Variants in AKAP10 observed in about 807,000 individuals in gnomAD.
The protein encoded by AKAP10 is A-kinase anchor protein 10, mitochondrial.
AKAP10 carries 24 observed loss-of-function variants against 80.8 expected under a neutral mutation model. The observed-to-expected ratio is 0.30, with a 90% confidence interval of 0.22 to 0.42. The LOEUF is 0.42. AKAP10 is among the 10% of genes least tolerant of loss of function. The pLI, the probability that AKAP10 is intolerant of heterozygous loss-of-function variation, is 1.00. For missense variants in AKAP10, 661 were observed against 794.9 expected, an observed-to-expected ratio of 0.83 and a Z score of 2.03; for synonymous variants, 291 against 277.7, an observed-to-expected ratio of 1.05 and a Z score of -0.48.
At chr17:19,910,798 G>A (rs1165420104) in intron 12 of AKAP10, among the ~76,000 whole-genome samples, 2 of 152,150 alleles carry the variant, frequency 1.3e-5, no homozygotes, top group Non-Finnish European at 2.9e-5. Context: ...TAAACTAGCT[G>A]GGTGAGAGAA....
chr17:19,942,087 T>C (rs912355227), intron 5 of AKAP10, among the ~76,000 whole-genome samples, 177 bp from the exon 6 acceptor site: 7 of 152,208 alleles, frequency 4.6e-5, no homozygotes, highest in Admixed American at 1.3e-4. Flanking sequence ...GAAGTACATA[T>C]GCAAAAGCAG....
chr17:19,911,507 T>C (rs1374247705), intron 12 of AKAP10, among the ~76,000 whole-genome samples: 1 of 152,050 alleles, frequency 6.6e-6, no homozygotes, highest in Admixed American at 6.6e-5. Context: ...TCATTCTCAT[T>C]CTACTGACAG....
intron 10 of AKAP10, 108 bp downstream of exon 10, chr17:19,931,696 CT>C: frequency 1.7e-5 from 22 of 1,333,140 alleles, no homozygotes; most frequent in Admixed American, 2.8e-5. Context: ...TGGCTTTTAT[CT>C]TTTTTTTCCA....
chr17:19,907,695 G>A (rs543267842), intron 14 of AKAP10, among the ~76,000 whole-genome samples: 7 of 152,004 alleles, frequency 4.6e-5, no homozygotes, highest in African/African-American at 1.7e-4. Flanking sequence ...ATGAGCCACT[G>A]CACCTGGCCA....
At chr17:19,956,873 G>A (rs935053554) in intron 4 of AKAP10, among the ~76,000 whole-genome samples, 3 of 151,836 alleles carry the variant, frequency 2.0e-5, no homozygotes, top group Non-Finnish European at 4.4e-5. Flanking sequence ...GAGTGGTGGC[G>A]GGCGCCTGTA....
At chr17:19,941,119 C>A in intron 6 of AKAP10, 109 bp from the exon 7 acceptor site, 1 of 1,150,152 alleles carries the variant, frequency 8.7e-7, no homozygotes, top group South Asian at 1.8e-5. Context: ...AGGCCTAGGT[C>A]AACACTACCT....
chr17:19,909,344 T>C, intron 13 of AKAP10, 68 bp from the exon 14 acceptor site: 1 of 1,356,150 alleles, frequency 7.4e-7, no homozygotes, highest in Non-Finnish European at 1.0e-6. Flanking sequence ...ACATACTCAG[T>C]GCTCTTAACA....
At chr17:19,934,584 T>C (rs983777284) in intron 9 of AKAP10, among the ~76,000 whole-genome samples, 1 of 152,238 alleles carries the variant, frequency 6.6e-6, no homozygotes, top group Admixed American at 6.5e-5. Context: ...TTAACATTTT[T>C]TGATGCTTAC....
intron 12 of AKAP10, among the ~76,000 whole-genome samples, chr17:19,910,332 A>AAAAAAAAAC (rs2042676491): frequency 6.6e-6 from 1 of 151,600 alleles, no homozygotes. Flanking sequence ...ACTCAAAAAA[A>AAAAAAAAAC]AAAAAAAAAA....
intron 1 of AKAP10, among the ~76,000 whole-genome samples, chr17:19,972,586 G>A (rs894475467): frequency 6.6e-6 from 1 of 152,050 alleles, no homozygotes; most frequent in Non-Finnish European, 1.5e-5. Context: ...CTCCCAAGTA[G>A]CTGGGACTAC....
chr17:19,969,616 G>T (rs1189497404), intron 1 of AKAP10, among the ~76,000 whole-genome samples: 2 of 151,492 alleles, frequency 1.3e-5, no homozygotes, highest in East Asian at 1.9e-4. Flanking sequence ...GCCCATCTCT[G>T]TATTTGTGCT....
chr17:19,972,478 C>T lies in AKAP10; in HGVS notation c.89-4017G>A, dbSNP rs148282292. On this transcript the variant is annotated intron_variant, in intron 1 of 14. Transcript: ENST00000225737. ...TTTGTTTTGTTTTGTTTTTTTGAGA[C>T]GGAATCTCACTCTGTCGCCCAGGCT... 3.6e-4 allele frequency among the ~76,000 whole-genome samples: 55 copies of T among 152,118 alleles called. No homozygotes were observed. The East Asian group carries it at 6.0e-3, about 17-fold the overall frequency.
rs200014515 is a variant in AKAP10 at position 19,925,162 on chromosome 17, TC to T, written c.1642-646del. ...CTGGGCGACAGAGGAAGACTCTGTA[TC>T]AAAAACTAAAAAATAAAATAAAATA... On this transcript the variant is annotated intron_variant, in intron 10 of 14. Coordinates refer to ENST00000225737, the MANE Select transcript of AKAP10 (RefSeq NM_007202.4). Among the ~76,000 whole-genome samples, 241 of 152,136 alleles carry T rather than the reference TC, an allele frequency of 1.6e-3. 7 individuals carry two copies. The East Asian group carries it at 0.036, about 23-fold the overall frequency.
At position 19,954,646 on chromosome 17, in the gene AKAP10, G is replaced by A. The variant is rs867248003; in HGVS notation, c.877+3368C>T. Reference sequence around the variant, plus strand: ...ACTACAGGTGCCCGCCACCACGCCCGGCTAATTTTTTTTTTTTTTTGTATT... The same window carrying A: ...ACTACAGGTGCCCGCCACCACGCCCAGCTAATTTTTTTTTTTTTTTGTATT... On this transcript the variant is annotated intron_variant, in intron 4 of 14. Transcript: ENST00000225737. 5.1e-4 allele frequency among the ~76,000 whole-genome samples: 72 copies of A among 140,384 alleles called. 1 individual carries two copies. Among genetic ancestry groups the A allele is most frequent in the African/African-American group, 1.7e-3 (60 of 35,424 alleles). 92.1% of individuals were successfully genotyped at this position (140,384 alleles called of 152,430 possible).
intron 3 of AKAP10, among the ~76,000 whole-genome samples, chr17:19,959,983 A>C (rs1024559773): frequency 6.6e-6 from 1 of 152,200 alleles, no homozygotes; most frequent in African/African-American, 2.4e-5. Context: ...ATGGTCGCTC[A>C]CGCCTGTAAT....
intron 1 of AKAP10, among the ~76,000 whole-genome samples, chr17:19,973,510 T>C (rs575675724): frequency 1.3e-5 from 2 of 152,348 alleles, no homozygotes; most frequent in East Asian, 3.9e-4. Context: ...TCAGTCTATC[T>C]TTTCCCAACT....
intron 11 of AKAP10, among the ~76,000 whole-genome samples, chr17:19,923,240 GCTAA>G (rs936957083): frequency 5.3e-5 from 8 of 152,036 alleles, no homozygotes; most frequent in Admixed American, 5.2e-4. Context: ...ACCACGCCCG[GCTAA>G]CTTTTTGTAT....
chr17:19,946,235 TATTATATATATATATATA>T (rs2043112633), intron 5 of AKAP10, among the ~76,000 whole-genome samples: 1 of 17,640 alleles, frequency 5.7e-5, no homozygotes, highest in Admixed American at 1.0e-3. Flanking sequence ...TATATATATA[TATTATATATATATATATA>T]TATATATATA....
At chr17:19,946,799 G>A (rs549229200) in intron 5 of AKAP10, among the ~76,000 whole-genome samples, 48 of 151,926 alleles carry the variant, frequency 3.2e-4, no homozygotes, top group African/African-American at 1.1e-3. Flanking sequence ...GACACTGTGT[G>A]TGGCACAATC....
Sources: gnomAD v4.1 joint callset for allele counts (sites outside exome capture counted in the v4.1 genomes callset) on GRCh38, gnomAD v4.1.1 for gene constraint, MANE v1.5 for transcripts, NCBI Gene and HGNC (gene_info 2026-07-23, HGNC 2026-07-21) for gene names.